The following CD93 variants were observed in gnomAD, a reference collection of about 807,000 sequenced individuals.
The protein encoded by CD93 is CD93 molecule, also known as complement component C1q receptor.
Under a neutral mutation model 45.5 loss-of-function variants are expected in CD93, and 44 were observed. That is an observed-to-expected ratio of 0.97 (90% CI 0.76 to 1.24). CD93 has a LOEUF of 1.24. CD93 is among the 50% of genes most tolerant of loss of function. The pLI, the probability that CD93 is intolerant of heterozygous loss-of-function variation, is 0.00. For missense variants in CD93, 918 were observed against 844.5 expected (o/e 1.09, Z -1.08); for synonymous variants, 431 against 370.8 (o/e 1.16, Z -1.87).
chr20:23,084,111 G>T (rs546895677), intron 1 of CD93, 137 bp from the exon 2 acceptor site: 33 of 1,401,490 alleles, frequency 2.4e-5, no homozygotes, highest in East Asian at 2.3e-4. Context: ...TGCCTGGCGT[G>T]GGGGGAGGTT....
At position 23,083,733 on chromosome 20, in the gene CD93, C is replaced by G; in HGVS notation, c.*217G>C. Reference sequence around the variant, plus strand: ...CATTATAGAGTCACGAAATCCCCACCGTGGCACGCCAACACACAGCTTCCA... The same window carrying G: ...CATTATAGAGTCACGAAATCCCCACGGTGGCACGCCAACACACAGCTTCCA... On this transcript the variant is annotated 3_prime_UTR_variant, in exon 2 of 2. Transcript: ENST00000246006. 3.3e-6 allele frequency: 2 copies of G among 605,786 alleles called. No homozygotes were observed. The highest frequency in any genetic ancestry group is 4.0e-5 in the South Asian group (2 of 50,304). 37.5% of individuals were successfully genotyped at this position (605,786 alleles called of 1,614,324 possible).
Position 23,083,670 on chromosome 20 carries a change from G to C in CD93, c.*280C>G, listed in dbSNP as rs1985387364. 3.8e-6 allele frequency: 2 copies of C among 528,502 alleles called. No homozygotes were observed. Among genetic ancestry groups the C allele is most frequent in the East Asian group, 6.7e-5 (2 of 29,952 alleles). The allele number at this position is 528,502 out of a possible 1,614,324, so 32.7% of individuals were successfully genotyped here. A position where few individuals can be genotyped will look rare whatever the true frequency, so the allele number is the denominator to read the frequency against. On this transcript the variant is annotated 3_prime_UTR_variant, in exon 2 of 2. Transcript: ENST00000246006. ...CTCCTCACACCCTGATCCGGAATTG[G>C]TCACATTGGAATTTGAAAAGGGAGG...
chr20:23,085,085 A>G lies in CD93; in HGVS notation c.1108T>C (p.Trp370Arg). ...NTPGGFRCEC[W>R]VGYEPGGPGE... ...GGACCGCCCGGCTCATAGCCAACCC[A>G]GCATTCGCAGCGGAAGCCCCCAGGG... The change falls in exon 1 of 2, where the codon TGG becomes CGG. Residue 370 changes from tryptophan to arginine, a missense_variant. By Grantham distance (101) the Trp-to-Arg change is moderately radical. Transcript: ENST00000246006. 1 of 1,609,160 alleles carries G rather than the reference A, an allele frequency of 6.2e-7. No homozygotes were observed. Among genetic ancestry groups the G allele is most frequent in the Non-Finnish European group, 8.5e-7 (1 of 1,177,274 alleles).
In CD93 at chr20:23,085,061, G is replaced by A. The variant is rs1985446372; in HGVS notation, c.1132C>T (p.Pro378Ser). The part of the protein sequence containing the change: ...ECWVGYEPGG[P>S]GEGACQDVDE... ...ACATCCTGACAGGCCCCCTCTCCAG[G>A]ACCGCCCGGCTCATAGCCAACCCAG... Residue 378 changes from proline (P) to serine (S), a missense_variant, in exon 1 of 2, where the codon CCT becomes TCT. Pro to Ser is a moderately conservative substitution (Grantham distance 74). Transcript: ENST00000246006. 1 of 1,613,462 alleles carries A rather than the reference G, an allele frequency of 6.2e-7. No individual in the cohort carries two copies. The highest frequency in any genetic ancestry group is 8.5e-7 in the Non-Finnish European group (1 of 1,179,724).
chr20:23,083,172 CTG>C lies in CD93; in HGVS notation c.*776_*777del, dbSNP rs1985371172. On this transcript the variant is annotated 3_prime_UTR_variant, in exon 2 of 2. Coordinates refer to ENST00000246006, the MANE Select transcript of CD93 (RefSeq NM_012072.4). ...CATTTGGATGAATTAATTCAAGTATCTGTGAACAAATCCCTGGCCTCTCTCGC... is the reference window on the plus strand; with the variant it reads ...CATTTGGATGAATTAATTCAAGTATCTGAACAAATCCCTGGCCTCTCTCGC... 1 of 152,286 alleles carries C rather than the reference CTG, an allele frequency of 6.6e-6. No individual in the cohort carries two copies. Among genetic ancestry groups the C allele is most frequent in the African/African-American group, 2.4e-5 (1 of 41,478 alleles). 9.4% of individuals were successfully genotyped at this position (152,286 alleles called of 1,614,324 possible). A position where few individuals can be genotyped will look rare whatever the true frequency, so the allele number is the denominator to read the frequency against.
At chr20:23,084,054 C>A in intron 1 of CD93, 80 bp from the exon 2 acceptor site, 1 of 1,544,682 alleles carries the variant, frequency 6.5e-7, no homozygotes, top group Non-Finnish European at 8.9e-7. Context: ...GAGAGCCCCA[C>A]GTGCGGCCGT....
chr20:23,086,213 C>G lies in CD93; in HGVS notation c.-21G>C. ...GCCATCCCGGTCTCTGTGTGGCCCT[C>G]TGCGGGAGGCGAGAAGCCCAGCGGC... On this transcript the variant is annotated 5_prime_UTR_variant, in exon 1 of 2. Transcript: ENST00000246006. The G allele has an allele frequency of 6.7e-7, 1 of 1,489,710 alleles. No homozygotes were observed. Among genetic ancestry groups the G allele is most frequent in the Non-Finnish European group, 8.9e-7 (1 of 1,122,110 alleles). 92.3% of individuals were successfully genotyped at this position (1,489,710 alleles called of 1,614,324 possible).
Position 23,084,746 on chromosome 20 carries a change from C to A in CD93, c.1447G>T (p.Glu483Ter). 6.2e-7 allele frequency: 1 copy of A among 1,608,704 alleles called. No homozygotes were observed. ...SLGPPSGPPD[E>*]EDKGEKEGST... Reference sequence around the variant, plus strand: ...CCTTCTTTCTCTCCTTTGTCCTCCTCATCGGGGGGCCCAGATGGTGGTCCC... The same window carrying A: ...CCTTCTTTCTCTCCTTTGTCCTCCTAATCGGGGGGCCCAGATGGTGGTCCC... The change falls in exon 1 of 2, where the codon GAG (glutamate) becomes TAG (stop). Residue 483 changes from glutamate to a stop codon, truncating the protein, a stop_gained. Transcript: ENST00000246006. LOFTEE classifies it high-confidence loss of function.
In CD93 at chr20:23,080,788, T is replaced by C. The variant is rs762456250; in HGVS notation, c.*3162A>G. On this transcript the variant is annotated 3_prime_UTR_variant, in exon 2 of 2. Coordinates refer to ENST00000246006, the MANE Select transcript of CD93 (RefSeq NM_012072.4). Reference sequence around the variant, plus strand: ...CACCGAAGGCAGAGACCAGATGTGGTTGGTCTTGCCTGGAAGCCAAGCTGT... The same window carrying C: ...CACCGAAGGCAGAGACCAGATGTGGCTGGTCTTGCCTGGAAGCCAAGCTGT... 10 of 152,220 alleles carry C rather than the reference T, an allele frequency of 6.6e-5. No individual in the cohort carries two copies. The highest frequency in any genetic ancestry group is 1.3e-4 in the Non-Finnish European group (9 of 68,046). The allele number at this position is 152,220 out of a possible 1,614,324, so 9.4% of individuals were successfully genotyped here.
chr20:23,084,492 G>A lies in CD93; in HGVS notation c.1701C>T (p.Ser567=), dbSNP rs546513788. The change falls in exon 1 of 2, where the codon TCC becomes TCT. Residue 567 remains serine (S), a synonymous_variant. Transcript: ENST00000246006. ...TGCCATCGTTGTTTTGTGTGGCCAC[G>A]GAGGAGTCCCCACCTGCAGGCTCCT... ...GPQEPAGGDS[S]VATQNNDGTD... 3.7e-5 allele frequency: 60 copies of A among 1,614,126 alleles called. 1 individual carries two copies. The Admixed American group carries it at 6.3e-4, about 17-fold the overall frequency.
rs1412629609 is a variant in CD93 at position 23,086,156 on chromosome 20, G to A, written c.37C>T (p.Leu13=). The A allele has an allele frequency of 1.3e-6, 2 of 1,551,156 alleles. No individual in the cohort carries two copies. Among genetic ancestry groups the A allele is most frequent in the Non-Finnish European group, 1.7e-6 (2 of 1,154,484 alleles). Reference sequence around the variant, plus strand: ...CCCGCCCCGGGCTGGGTCAGGAGCAGCAGCAGCAGCAGCAGCAGGCCCATG... The same window carrying A: ...CCCGCCCCGGGCTGGGTCAGGAGCAACAGCAGCAGCAGCAGCAGGCCCATG... ...TSMGLLLLLL[L]LLTQPGAGTG... is the part of the protein sequence containing the mutation. The change falls in exon 1 of 2, where the codon CTG becomes TTG. Residue 13 remains leucine, a synonymous_variant. Transcript: ENST00000246006.
chr20:23,082,222 C>T lies in CD93; in HGVS notation c.*1728G>A, dbSNP rs1313779773. The T allele has an allele frequency of 6.6e-6, 1 of 152,244 alleles. No homozygotes were observed. Among genetic ancestry groups the T allele is most frequent in the Non-Finnish European group, 1.5e-5 (1 of 68,038 alleles). 9.4% of individuals were successfully genotyped at this position (152,244 alleles called of 1,614,324 possible). On this transcript the variant is annotated 3_prime_UTR_variant, in exon 2 of 2. Transcript: ENST00000246006. ...CCTTTAGTTTTCTATTAAAAACAAT[C>T]TGAACCATAGCATCTATATTTCAAA...
At position 23,083,900 on chromosome 20, in the gene CD93, C is replaced by T; in HGVS notation, c.*50G>A. 6.3e-7 allele frequency: 1 copy of T among 1,590,028 alleles called. No homozygotes were observed. On this transcript the variant is annotated 3_prime_UTR_variant, in exon 2 of 2. Coordinates refer to ENST00000246006, the MANE Select transcript of CD93 (RefSeq NM_012072.4). The stretch of plus-strand genomic sequence containing the variant: ...CCCCTTTGGAATGGGGAGTTCAAAG[C>T]TCTGAGGATGGTGGCTGGTGACTCT...
In CD93 at chr20:23,085,972, C is replaced by T. The variant is rs754864348; in HGVS notation, c.221G>A (p.Arg74Gln). Residue 74 changes from arginine (R) to glutamine (Q), a missense_variant, in exon 1 of 2, where the codon CGA becomes CAA. By Grantham distance (43) the Arg-to-Gln change is conservative (BLOSUM62 1). Coordinates refer to ENST00000246006, the MANE Select transcript of CD93 (RefSeq NM_012072.4). ...CCGCCTCAGGAGCTGGGCCAGTACTCGCTGGACGTGCTGGGCCTCCTCCTT... is the reference window on the plus strand; with the variant it reads ...CCGCCTCAGGAGCTGGGCCAGTACTTGCTGGACGTGCTGGGCCTCCTCCTT... Reference protein sequence around the residue: ...KSKEEAQHVQRVLAQLLRREA... With the variant: ...KSKEEAQHVQQVLAQLLRREA... The T allele has an allele frequency of 6.2e-7, 1 of 1,610,708 alleles. No individual in the cohort carries two copies.
rs1985309586 is a variant in CD93, at chr20:23,081,065, G to A, written c.*2885C>T. On this transcript the variant is annotated 3_prime_UTR_variant, in exon 2 of 2. Transcript: ENST00000246006. ...TGTCTGCTTTGAGATGTGGGATGAGGGGAGGGAGAGAGTTGGTCCTGAATA... is the reference window on the plus strand; with the variant it reads ...TGTCTGCTTTGAGATGTGGGATGAGAGGAGGGAGAGAGTTGGTCCTGAATA... 6.6e-6 allele frequency: 1 copy of A among 152,198 alleles called. No homozygotes were observed. The highest frequency in any genetic ancestry group is 2.4e-5 in the African/African-American group (1 of 41,438). The allele number at this position is 152,198 out of a possible 1,614,324, so 9.4% of individuals were successfully genotyped here. A position where few individuals can be genotyped will look rare whatever the true frequency, so the allele number is the denominator to read the frequency against.
In CD93 at chr20:23,085,215, G is replaced by A; in HGVS notation, c.978C>T (p.Tyr326=). 6.2e-7 allele frequency: 1 copy of A among 1,604,818 alleles called. No homozygotes were observed. Among genetic ancestry groups the A allele is most frequent in the Non-Finnish European group, 8.5e-7 (1 of 1,175,064 alleles). ...TCVLGPHGKN[Y]TCRCPQGYQL... The stretch of plus-strand genomic sequence containing the variant: ...GGTACCCTTGGGGGCAGCGGCACGT[G>A]TAGTTTTTCCCATGGGGTCCCAGGA... Residue 326 remains tyrosine, a synonymous_variant, in exon 1 of 2, where the codon TAC becomes TAT. Transcript: ENST00000246006.
In CD93 at chr20:23,083,918, G is replaced by T. The variant is rs750669404; in HGVS notation, c.*32C>A. 1.9e-6 allele frequency: 3 copies of T among 1,610,024 alleles called. No homozygotes were observed. Among genetic ancestry groups the T allele is most frequent in the African/African-American group, 1.3e-5 (1 of 74,834 alleles). On this transcript the variant is annotated 3_prime_UTR_variant, in exon 2 of 2. Coordinates refer to ENST00000246006, the MANE Select transcript of CD93 (RefSeq NM_012072.4). ...TTCAAAGCTCTGAGGATGGTGGCTG[G>T]TGACTCTAGTGTCTCTAGGGCCACC...
chr20:23,085,613 C>G lies in CD93; in HGVS notation c.580G>C (p.Gly194Arg). Residue 194 changes from glycine (G) to arginine (R), a missense_variant, in exon 1 of 2, where the codon GGG becomes CGG. Transcript: ENST00000246006. ...FKGMCRPLALGGPGQVTYTTP... is the reference protein window; with the variant it reads ...FKGMCRPLALRGPGQVTYTTP... ...GTGTAGGTCACCTGACCTGGGCCCC[C>G]CAGGGCCAGAGGCCGGCACATGCCT... 6.2e-7 allele frequency: 1 copy of G among 1,613,448 alleles called. No individual in the cohort carries two copies. The highest frequency in any genetic ancestry group is 8.5e-7 in the Non-Finnish European group (1 of 1,179,942).
In CD93 at chr20:23,083,758, A is replaced by C. The variant is rs1344814323; in HGVS notation, c.*192T>G. The C allele has an allele frequency of 1.6e-5, 10 of 631,696 alleles. No homozygotes were observed. The highest frequency in any genetic ancestry group is 7.3e-5 in the African/African-American group (4 of 54,480). The allele number at this position is 631,696 out of a possible 1,614,324, so 39.1% of individuals were successfully genotyped here. A position where few individuals can be genotyped will look rare whatever the true frequency, so the allele number is the denominator to read the frequency against. On this transcript the variant is annotated 3_prime_UTR_variant, in exon 2 of 2. Coordinates refer to ENST00000246006, the MANE Select transcript of CD93 (RefSeq NM_012072.4). ...CGTGGCACGCCAACACACAGCTTCCACTTCAGGAACATCAAACACCCGTAG... is the reference window on the plus strand; with the variant it reads ...CGTGGCACGCCAACACACAGCTTCCCCTTCAGGAACATCAAACACCCGTAG...
Sources: gnomAD v4.1 joint callset for allele counts on GRCh38, gnomAD v4.1.1 for gene constraint, MANE v1.5 for transcripts, NCBI Gene and HGNC (gene_info 2026-07-23, HGNC 2026-07-21) for gene names.